The following ARL6 variants were observed in gnomAD, a reference collection of about 807,000 sequenced individuals.
The protein encoded by ARL6 is ARF like GTPase 6, also known as ADP-ribosylation factor-like protein 6.
ARL6 carries 18 observed loss-of-function variants against 27.1 expected under a neutral mutation model. That is an observed-to-expected ratio of 0.66 (90% CI 0.46 to 0.98). The LOEUF is 0.98. Ranked by LOEUF, ARL6 falls within the 50% of genes least tolerant of loss-of-function variation. ARL6 has a pLI of 0.00. For synonymous variants in ARL6, 65 were observed against 72.3 expected, an observed-to-expected ratio of 0.90 and a Z score of 0.51; for missense variants, 187 against 214.9, an observed-to-expected ratio of 0.87 and a Z score of 0.81.
Position 97,796,213 on chromosome 3 carries a change from C to G in ARL6, c.536-1811C>G, listed in dbSNP as rs79500811. ...TGTGCACAAACAAGAAAAGTGGGTT[C>G]GAGTAAGTAGAATTTATATAGAGAG... On this transcript the variant is annotated intron_variant, in intron 7 of 7. Transcript: ENST00000463745. Among the ~76,000 whole-genome samples, 372 of 151,696 alleles carry G rather than the reference C, an allele frequency of 2.5e-3. 2 individuals carry two copies. Among genetic ancestry groups the G allele is most frequent in the African/African-American group, 7.1e-3 (292 of 41,356 alleles).
intron 2 of ARL6, among the ~76,000 whole-genome samples, chr3:97,777,381 C>T (rs375058343): frequency 6.6e-6 from 1 of 151,904 alleles, no homozygotes; most frequent in Non-Finnish European, 1.5e-5. Context: ...CACCCTCCTA[C>T]CTATATAAAA....
chr3:97,772,086 C>A (rs570546190), intron 2 of ARL6, among the ~76,000 whole-genome samples: 4 of 151,960 alleles, frequency 2.6e-5, no homozygotes, highest in Non-Finnish European at 5.9e-5. Flanking sequence ...TTTTTGGGAT[C>A]GTTTGAGTTG....
chr3:97,781,753 T>C (rs1485713869), intron 4 of ARL6, among the ~76,000 whole-genome samples: 1 of 152,078 alleles, frequency 6.6e-6, no homozygotes, highest in Non-Finnish European at 1.5e-5. Context: ...GCTTCTAATA[T>C]TGTTAGGACT....
chr3:97,777,196 T>A (rs2036952075), intron 2 of ARL6, among the ~76,000 whole-genome samples: 2 of 152,276 alleles, frequency 1.3e-5, no homozygotes, highest in East Asian at 3.9e-4. Context: ...ACCAAGGATA[T>A]CATTTTTATC....
rs183993322 is a variant in ARL6, at chr3:97,793,670, C to T, written c.535+1844C>T. Among the ~76,000 whole-genome samples the T allele has an allele frequency of 1.5e-4, 23 of 152,214 alleles. 1 individual carries two copies. In the East Asian group the frequency reaches 4.4e-3, roughly 29 times the overall value. On this transcript the variant is annotated intron_variant, in intron 7 of 7. Coordinates refer to ENST00000463745, the MANE Select transcript of ARL6 (RefSeq NM_001278293.3). Reference sequence around the variant, plus strand: ...AAATTGCCAACTCTGGTCTTGATACCTAATTTTTGTTTCTTTCACTTTTCT... The same window carrying T: ...AAATTGCCAACTCTGGTCTTGATACTTAATTTTTGTTTCTTTCACTTTTCT...
chr3:97,798,274 G>C lies in ARL6; in HGVS notation c.*225G>C, dbSNP rs4857294. The C allele has an allele frequency of 0.91, 462,902 of 507,582 alleles. 211,515 individuals are homozygous for C. The highest frequency in any genetic ancestry group is 1 in the East Asian group (31,853 of 31,916). The allele number at this position is 507,582 out of a possible 1,614,324, so 31.4% of individuals were successfully genotyped here. ...CAAAAGGGCTCCCTAGAATTATCAA[G>C]TTCTTAGTGAAGGTCTACATTTGAT... On this transcript the variant is annotated 3_prime_UTR_variant, in exon 8 of 8. Transcript: ENST00000463745.
At chr3:97,765,211 GGTGTGTGTGTGT>G (rs71113866) in intron 1 of ARL6, among the ~76,000 whole-genome samples, 24 of 105,614 alleles carry the variant, frequency 2.3e-4, no homozygotes, top group South Asian at 3.4e-4. Context: ...GTGTATTGGG[GGTGTGTGTGTGT>G]GTGTGTGTGT....
intron 2 of ARL6, among the ~76,000 whole-genome samples, chr3:97,769,693 C>G (rs1032731589): frequency 1.3e-5 from 2 of 151,942 alleles, no homozygotes; most frequent in African/African-American, 4.8e-5. Context: ...CCCCTCTCTC[C>G]GCCCTACCCT....
chr3:97,797,981 G>A (rs2038083042), intron 7 of ARL6, 43 bp from the exon 8 acceptor site: 2 of 1,578,918 alleles, frequency 1.3e-6, no homozygotes, highest in African/African-American at 2.7e-5. Flanking sequence ...AATAGATTTT[G>A]CCCTATAGAG....
intron 5 of ARL6, among the ~76,000 whole-genome samples, chr3:97,785,596 T>C (rs1000564909): frequency 5.3e-5 from 8 of 152,066 alleles, no homozygotes; most frequent in African/African-American, 1.9e-4. Context: ...CTCTTCTGCA[T>C]GTTTCTATTC....
rs896055835 is a variant in ARL6 at position 97,800,341 on chromosome 3, A to G, written c.*2292A>G. 6.6e-5 allele frequency: 10 copies of G among 152,214 alleles called. No individual in the cohort carries two copies. The highest frequency in any genetic ancestry group is 2.2e-4 in the African/African-American group (9 of 41,456). The allele number at this position is 152,214 out of a possible 1,614,324, so 9.4% of individuals were successfully genotyped here. A position where few individuals can be genotyped will look rare whatever the true frequency, so the allele number is the denominator to read the frequency against. ...ATTGCATTTGTATTTAGCATATTAT[A>G]CAATTAAAATGTATTTTATTAAACC... On this transcript the variant is annotated 3_prime_UTR_variant, in exon 8 of 8. Coordinates refer to ENST00000463745, the MANE Select transcript of ARL6 (RefSeq NM_001278293.3).
At chr3:97,788,645 A>C (rs2037577936) in intron 6 of ARL6, among the ~76,000 whole-genome samples, 1 of 152,126 alleles carries the variant, frequency 6.6e-6, no homozygotes, top group African/African-American at 2.4e-5. Flanking sequence ...CTGGTATGTA[A>C]TAGGTACACA....
rs2037385151 is a variant in ARL6, at chr3:97,785,041, A to G, written c.341A>G (p.Asn114Ser). 3 of 1,611,380 alleles carry G rather than the reference A, an allele frequency of 1.9e-6. No homozygotes were observed. The highest frequency in any genetic ancestry group is 2.5e-6 in the Non-Finnish European group (3 of 1,177,776). ...AAAGAAGAACTCGATACTCTTCTGA[A>G]TCATCCAGGTATGTGTGTGTCTTTC... Reference protein sequence around the residue: ...VAKEELDTLLNHPDIKHRRIP... With the variant: ...VAKEELDTLLSHPDIKHRRIP... The change falls in exon 5 of 8, where the codon AAT (asparagine) becomes AGT (serine). Residue 114 changes from asparagine (N) to serine (S), a missense_variant. Coordinates refer to ENST00000463745, the MANE Select transcript of ARL6 (RefSeq NM_001278293.3).
intron 2 of ARL6, among the ~76,000 whole-genome samples, chr3:97,774,417 C>T (rs1408118757): frequency 6.6e-6 from 1 of 152,054 alleles, no homozygotes; most frequent in Non-Finnish European, 1.5e-5. Flanking sequence ...TGGCAACTGC[C>T]TCAGGGGAGG....
intron 7 of ARL6, among the ~76,000 whole-genome samples, chr3:97,797,249 A>T (rs1181597155): frequency 2.6e-5 from 4 of 152,178 alleles, no homozygotes; most frequent in African/African-American, 9.6e-5. Flanking sequence ...TGTACTTCAT[A>T]GTAATAAAGG....
intron 5 of ARL6, among the ~76,000 whole-genome samples, chr3:97,787,786 T>C (rs1182472405): frequency 6.6e-6 from 1 of 152,132 alleles, no homozygotes; most frequent in Non-Finnish European, 1.5e-5. Flanking sequence ...AGAGGGCAGA[T>C]GGTCCTAGGA....
At chr3:97,766,297 G>A (rs1258860507) in intron 1 of ARL6, among the ~76,000 whole-genome samples, 1 of 152,110 alleles carries the variant, frequency 6.6e-6, no homozygotes, top group Non-Finnish European at 1.5e-5. Context: ...GAAATCAAAT[G>A]GTATGTGTGA....
chr3:97,777,941 G>C (rs1202008479), intron 2 of ARL6, among the ~76,000 whole-genome samples: 2 of 152,156 alleles, frequency 1.3e-5, no homozygotes, highest in Non-Finnish European at 2.9e-5. Flanking sequence ...AAATAAAAAA[G>C]AGTTTGTGAA....
chr3:97,774,657 A>G (rs931017507), intron 2 of ARL6, among the ~76,000 whole-genome samples: 1 of 152,080 alleles, frequency 6.6e-6, no homozygotes, highest in Non-Finnish European at 1.5e-5. Flanking sequence ...TTTCCAATCA[A>G]TGCCCTCACT....
Sources: allele counts gnomAD v4.1 joint callset (sites outside exome capture counted in the v4.1 genomes callset), GRCh38; gene constraint gnomAD v4.1.1; transcripts MANE v1.5; gene names NCBI Gene and HGNC (gene_info 2026-07-23, HGNC 2026-07-21).